The following BTBD3 variants were observed in gnomAD, a reference collection of about 807,000 sequenced individuals.
BTBD3 encodes the protein BTB/POZ domain-containing protein 3.
In BTBD3, 14 loss-of-function variants were observed where a neutral mutation model predicts 41.6. That is an observed-to-expected ratio of 0.34 (90% CI 0.22 to 0.53). The LOEUF (loss-of-function observed/expected upper bound fraction) is 0.53, where lower values mean the gene tolerates loss of function less well. BTBD3 is among the 20% of genes least tolerant of loss of function. BTBD3 has a pLI of 0.95. For synonymous variants in BTBD3, 249 were observed against 233.7 expected (o/e 1.07, Z -0.60); for missense variants, 426 against 654.7 (o/e 0.65, Z 3.81).
chr20:11,902,577 C>T (rs947527748), intron 1 of BTBD3, among the ~76,000 whole-genome samples: 1 of 152,144 alleles, frequency 6.6e-6, no homozygotes, highest in Non-Finnish European at 1.5e-5. Context: ...AGAGAAAGTG[C>T]TCATGCTGAG....
chr20:11,913,080 G>A (rs6109181), upstream of BTBD3, among the ~76,000 whole-genome samples: 1 of 152,158 alleles, frequency 6.6e-6, no homozygotes, highest in Non-Finnish European at 1.5e-5. Context: ...TCCTCTGTTA[G>A]GTTATGTTAA....
At chr20:11,912,764 A>C (rs2056896882) in intron 1 of BTBD3, among the ~76,000 whole-genome samples, 1 of 152,238 alleles carries the variant, frequency 6.6e-6, no homozygotes, top group Non-Finnish European at 1.5e-5. Flanking sequence ...AGCTGGGTCT[A>C]ATTACCCCAT....
At chr20:11,898,356 A>G (rs2056802173) in intron 1 of BTBD3, among the ~76,000 whole-genome samples, 1 of 151,538 alleles carries the variant, frequency 6.6e-6, no homozygotes, top group Non-Finnish European at 1.5e-5. Flanking sequence ...TATAATATTT[A>G]TCCTACCCCC....
At chr20:11,913,585 C>T (rs1411797751), upstream of BTBD3, 1 of 152,140 alleles carries the variant, frequency 6.6e-6, no homozygotes, top group African/African-American at 2.4e-5. Context: ...CATGACAAGC[C>T]AGGAGATCCG....
At chr20:11,892,948 T>C (rs1367092301) in intron 1 of BTBD3, among the ~76,000 whole-genome samples, 1 of 152,248 alleles carries the variant, frequency 6.6e-6, no homozygotes. Context: ...TTACAAAATG[T>C]TAAACTGCTT....
chr20:11,897,999 A>G (rs145916821), intron 1 of BTBD3, among the ~76,000 whole-genome samples: 27 of 152,200 alleles, frequency 1.8e-4, no homozygotes, highest in Non-Finnish European at 2.9e-4. Flanking sequence ...GTCTACTAAA[A>G]ATACAAAAAT....
intron 1 of BTBD3, among the ~76,000 whole-genome samples, chr20:11,897,027 T>C (rs1454734494): frequency 6.6e-6 from 1 of 152,218 alleles, no homozygotes; most frequent in Non-Finnish European, 1.5e-5. Context: ...TTCCTTCATT[T>C]GATTCTTGAG....
chr20:11,894,004 G>A (rs114654120), intron 1 of BTBD3, among the ~76,000 whole-genome samples: 95 of 152,284 alleles, frequency 6.2e-4, no homozygotes, highest in African/African-American at 2.1e-3. Flanking sequence ...GTTGTTTTAC[G>A]TATTATTTTT....
At chr20:11,891,868 A>G (rs2056756783) in intron 1 of BTBD3, among the ~76,000 whole-genome samples, 1 of 152,114 alleles carries the variant, frequency 6.6e-6, no homozygotes, top group South Asian at 2.1e-4. Context: ...CCACCTCGCC[A>G]AATCCTGTAA....
intron 1 of BTBD3, chr20:11,891,545 G>A (rs1278384744): frequency 6.6e-6 from 1 of 152,344 alleles, no homozygotes; most frequent in African/African-American, 2.4e-5. Context: ...GTGGCGGCGG[G>A]CGATGGCGGG....
chr20:11,922,136 C>T (rs564788186), intron 3 of BTBD3, among the ~76,000 whole-genome samples: 1 of 152,268 alleles, frequency 6.6e-6, no homozygotes, highest in East Asian at 1.9e-4. Flanking sequence ...GCAGTCCATA[C>T]TTTTGATAAT....
At chr20:11,922,267 T>C (rs1366716811) in intron 3 of BTBD3, among the ~76,000 whole-genome samples, 1 of 152,200 alleles carries the variant, frequency 6.6e-6, no homozygotes, top group South Asian at 2.1e-4. Context: ...TATTCTTGGT[T>C]AAATATAATG....
chr20:11,899,662 CA>C (rs1453074562), intron 1 of BTBD3, among the ~76,000 whole-genome samples: 1 of 152,008 alleles, frequency 6.6e-6, no homozygotes, highest in African/African-American at 2.4e-5. Context: ...ACTTACCAAG[CA>C]GTCATTTTAA....
intron 1 of BTBD3, among the ~76,000 whole-genome samples, chr20:11,898,582 A>G (rs74526199): frequency 0.012 from 1,889 of 152,288 alleles, 30 homozygotes; most frequent in African/African-American, 0.043. Context: ...GAGGTCGAGT[A>G]TGTTTATTAA....
intron 1 of BTBD3, among the ~76,000 whole-genome samples, chr20:11,901,672 G>A (rs558899080): frequency 1.3e-5 from 2 of 152,232 alleles, no homozygotes; most frequent in South Asian, 2.1e-4. Flanking sequence ...CCCCCAAAAT[G>A]TCAGAATCAG....
chr20:11,900,520 C>T (rs991199828), intron 1 of BTBD3, among the ~76,000 whole-genome samples: 1 of 151,890 alleles, frequency 6.6e-6, no homozygotes, highest in Non-Finnish European at 1.5e-5. Flanking sequence ...TTGAAAGTGG[C>T]GGTCTTGCCT....
Position 11,923,549 on chromosome 20 carries a change from A to G in BTBD3, c.1452A>G (p.Glu484=), listed in dbSNP as rs370520864. 1 of 1,614,082 alleles carries G rather than the reference A, an allele frequency of 6.2e-7. No individual in the cohort carries two copies. The highest frequency in any genetic ancestry group is 1.3e-5 in the African/African-American group (1 of 74,914). The change falls in exon 4 of 4, where the codon GAA becomes GAG. Residue 484 remains glutamate, a synonymous_variant. Transcript: ENST00000378226. This position sits in a 1 kb window ranked among gnomAD's most constrained non-coding sequence, Gnocchi z 5.3. ...DGNELSYFGQ[E]GMTEVQCGKV... Reference sequence around the variant, plus strand: ...ATGAACTCAGCTACTTTGGACAAGAAGGCATGACAGAAGTTCAGTGTGGCA... The same window carrying G: ...ATGAACTCAGCTACTTTGGACAAGAGGGCATGACAGAAGTTCAGTGTGGCA...
chr20:11,893,300 G>A (rs1373602764), intron 1 of BTBD3, among the ~76,000 whole-genome samples: 4 of 152,050 alleles, frequency 2.6e-5, no homozygotes, highest in Non-Finnish European at 5.9e-5. Flanking sequence ...AGTTGAAATG[G>A]TTTTCTCTTA....
intron 1 of BTBD3, among the ~76,000 whole-genome samples, chr20:11,894,014 T>C (rs1465401413): frequency 6.6e-6 from 1 of 152,298 alleles, no homozygotes; most frequent in African/African-American, 2.4e-5. Context: ...GTATTATTTT[T>C]AGTTTTAGTG....
Sources: gnomAD v4.1 joint callset for allele counts (sites outside exome capture counted in the v4.1 genomes callset) on GRCh38, gnomAD v4.1.1 for gene constraint, Gnocchi (gnomAD v3.1) non-coding constraint, MANE v1.5 for transcripts, NCBI Gene and HGNC (gene_info 2026-07-23, HGNC 2026-07-21) for gene names.